ATP2C1: variants seen among roughly 807,000 people sequenced by gnomAD.
The protein encoded by ATP2C1 is ATPase secretory pathway Ca2+ transporting 1.
ATP2C1 carries 31 observed loss-of-function variants against 120.5 expected under a neutral mutation model. The observed-to-expected ratio is 0.26, with a 90% CI of 0.19 to 0.35. ATP2C1 has a LOEUF of 0.35. Ranked by LOEUF, ATP2C1 falls within the 10% of genes least tolerant of loss-of-function variation. The probability of loss-of-function intolerance (pLI) is 1.00; values close to 1 mark genes in which losing one functional copy is unlikely to be tolerated. For synonymous variants in ATP2C1, 351 were observed against 358.7 expected (o/e 0.98, Z 0.24); for missense variants, 731 against 1,107.5 (o/e 0.66, Z 4.83).
At position 130,918,980 on chromosome 3, in the gene ATP2C1, A is replaced by C. The variant is rs112911708; in HGVS notation, c.7-11436A>C. On this transcript the variant is annotated intron_variant, in intron 2 of 27. Transcript: ENST00000510168. Reference sequence around the variant, plus strand: ...GCACTCCAGCCTGGGCAACAGAGCAAGACTCCGTCTTAAACAAACAAACAA... The same window carrying C: ...GCACTCCAGCCTGGGCAACAGAGCACGACTCCGTCTTAAACAAACAAACAA... 2.2e-3 allele frequency: 910 copies of C among 404,590 alleles called. 7 individuals are homozygous for C. Among genetic ancestry groups the C allele is most frequent in the African/African-American group, 0.018 (853 of 47,182 alleles). The allele number at this position is 404,590 out of a possible 1,614,324, so 25.1% of individuals were successfully genotyped here. A position where few individuals can be genotyped will look rare whatever the true frequency, so the allele number is the denominator to read the frequency against.
chr3:130,936,260 G>T lies in ATP2C1; in HGVS notation c.325-1168G>T, dbSNP rs556954666. On this transcript the variant is annotated intron_variant, in intron 5 of 27. Transcript: ENST00000510168. ...TGTGGTAACCTTGGGGAAGATTTGG[G>T]CAATCTTGGGGAAGATTTGAATAAC... Among the ~76,000 whole-genome samples, 41 of 152,172 alleles carry T rather than the reference G, an allele frequency of 2.7e-4. 1 individual carries two copies. The South Asian group carries it at 7.7e-3, about 29-fold the overall frequency.
At chr3:131,011,696 C>A (rs1469360507) in intron 26 of ATP2C1, among the ~76,000 whole-genome samples, 1 of 152,206 alleles carries the variant, frequency 6.6e-6, no homozygotes, top group East Asian at 1.9e-4. Flanking sequence ...TTGTAGTATT[C>A]AGTCTGCACT....
Position 131,002,766 on chromosome 3 carries a change from A to G in ATP2C1, c.*1416A>G. On this transcript the variant is annotated 3_prime_UTR_variant, in exon 28 of 28. Transcript: ENST00000510168. ...AGCTTTTATCCAATATTAAACTGCAAGTGTTAGCACTGAAATATTGTCATT... is the reference window on the plus strand; with the variant it reads ...AGCTTTTATCCAATATTAAACTGCAGGTGTTAGCACTGAAATATTGTCATT... 2.0e-6 allele frequency: 2 copies of G among 985,524 alleles called. No individual in the cohort carries two copies. Among genetic ancestry groups the G allele is most frequent in the South Asian group, 4.7e-5 (1 of 21,286 alleles). 61.0% of individuals were successfully genotyped at this position (985,524 alleles called of 1,614,324 possible). A position where few individuals can be genotyped will look rare whatever the true frequency, so the allele number is the denominator to read the frequency against.
At chr3:130,954,033 A>C in intron 9 of ATP2C1, 57 bp downstream of exon 9, 26 of 1,590,708 alleles carry the variant, frequency 1.6e-5, no homozygotes, top group Non-Finnish European at 2.2e-5. Context: ...CTATTTTCTC[A>C]ATTATTTTTT....
At chr3:130,869,628 G>C (rs2068363013) in intron 1 of ATP2C1, among the ~76,000 whole-genome samples, 2 of 152,070 alleles carry the variant, frequency 1.3e-5, no homozygotes, top group Non-Finnish European at 2.9e-5. Flanking sequence ...CAGTATTTTT[G>C]CTAATGTGCA....
At chr3:131,013,871 A>C in intron 26 of ATP2C1, 1 of 513,206 alleles carries the variant, frequency 1.9e-6, no homozygotes, top group Non-Finnish European at 3.4e-6. Context: ...AGAAATACAG[A>C]AGCTTCTTAA....
intron 18 of ATP2C1, 24 bp downstream of exon 18, chr3:130,975,512 C>A (rs1415747805): frequency 8.1e-6 from 13 of 1,611,970 alleles, no homozygotes; most frequent in Non-Finnish European, 1.1e-5. Context: ...AGCATAGTCC[C>A]CTGGGGTGGA....
intron 1 of ATP2C1, among the ~76,000 whole-genome samples, chr3:130,861,810 G>A (rs1413006937): frequency 6.6e-6 from 1 of 152,112 alleles, no homozygotes; most frequent in Non-Finnish European, 1.5e-5. Flanking sequence ...TTACAAATCT[G>A]AGTGACAAAT....
At chr3:130,990,525 G>A (rs1184722019) in intron 20 of ATP2C1, among the ~76,000 whole-genome samples, 3 of 152,140 alleles carry the variant, frequency 2.0e-5, no homozygotes, top group Admixed American at 6.5e-5. Context: ...GTGCAGTGAG[G>A]TGTGAACTTC....
intron 20 of ATP2C1, among the ~76,000 whole-genome samples, chr3:130,985,439 C>T (rs2061956312): frequency 6.6e-6 from 1 of 151,996 alleles, no homozygotes; most frequent in Non-Finnish European, 1.5e-5. Flanking sequence ...TCGAGACCTG[C>T]CTGGCCAACA....
chr3:130,926,787 G>T (rs920395571), intron 2 of ATP2C1, among the ~76,000 whole-genome samples: 4 of 152,220 alleles, frequency 2.6e-5, no homozygotes, highest in Non-Finnish European at 5.9e-5. Context: ...ATCTTTATAT[G>T]TGTTCTTTCG....
intron 8 of ATP2C1, among the ~76,000 whole-genome samples, chr3:130,951,995 G>A (rs1361869450): frequency 1.3e-5 from 2 of 152,122 alleles, no homozygotes; most frequent in East Asian, 1.9e-4. Context: ...CACCAAGCAT[G>A]TTCCTGTCCC....
In ATP2C1 at chr3:130,894,127, G is replaced by T; in HGVS notation, c.-391G>T. The stretch of plus-strand genomic sequence containing the variant: ...GGAGCCGGCCCGGCGGACCGTGACG[G>T]GTCCCCTCACCTCCTCTTCTCTCCC... On this transcript the variant is annotated 5_prime_UTR_variant, in exon 1 of 28. Coordinates refer to ENST00000510168, the MANE Select transcript of ATP2C1 (RefSeq NM_001378687.1). This position sits in a 1 kb window ranked among gnomAD's most constrained non-coding sequence, Gnocchi z 4.5. 1 of 966,530 alleles carries T rather than the reference G, an allele frequency of 1.0e-6. No individual in the cohort carries two copies. Among genetic ancestry groups the T allele is most frequent in the Non-Finnish European group, 1.2e-6 (1 of 812,794 alleles). The allele number at this position is 966,530 out of a possible 1,614,324, so 59.9% of individuals were successfully genotyped here.
intron 2 of ATP2C1, among the ~76,000 whole-genome samples, chr3:130,904,280 T>C (rs2058024161): frequency 6.6e-6 from 1 of 152,022 alleles, no homozygotes; most frequent in Admixed American, 6.6e-5. Context: ...AGGATCCAAT[T>C]TGGGATCCTA....
At chr3:130,988,610 G>T (rs1456082194) in intron 20 of ATP2C1, among the ~76,000 whole-genome samples, 1 of 152,148 alleles carries the variant, frequency 6.6e-6, no homozygotes, top group African/African-American at 2.4e-5. Context: ...CGACCAGCAA[G>T]AAGCAGCTAC....
intron 2 of ATP2C1, among the ~76,000 whole-genome samples, chr3:130,898,728 C>T (rs138830268): frequency 7.4e-4 from 112 of 152,220 alleles, no homozygotes; most frequent in Admixed American, 1.8e-3. Context: ...GGTCTGTTAA[C>T]GCAAAGCATT....
chr3:130,854,804 C>T (rs1576513881), intron 1 of ATP2C1, among the ~76,000 whole-genome samples: 1 of 152,190 alleles, frequency 6.6e-6, no homozygotes, highest in East Asian at 1.9e-4. Flanking sequence ...TCTTCTATTC[C>T]CATGGTTTCA....
At chr3:130,992,684 G>A (rs1230406055) in intron 20 of ATP2C1, among the ~76,000 whole-genome samples, 2 of 152,146 alleles carry the variant, frequency 1.3e-5, no homozygotes, top group Non-Finnish European at 2.9e-5. Flanking sequence ...GAATAAGGCT[G>A]TTTTCTTTCC....
intron 2 of ATP2C1, among the ~76,000 whole-genome samples, chr3:130,898,037 A>G (rs1409766624): frequency 6.6e-6 from 1 of 152,230 alleles, no homozygotes; most frequent in African/African-American, 2.4e-5. Flanking sequence ...AGATATGTCT[A>G]GCTGGAGAAG....
Sources: gnomAD v4.1 joint callset for allele counts (sites outside exome capture counted in the v4.1 genomes callset) on GRCh38, gnomAD v4.1.1 for gene constraint, Gnocchi (gnomAD v3.1) non-coding constraint, MANE v1.5 for transcripts, NCBI Gene and HGNC (gene_info 2026-07-23, HGNC 2026-07-21) for gene names.